Variants in SHISA9 observed in about 807,000 individuals in gnomAD.
SHISA9 encodes the protein protein shisa-9.
Under a neutral mutation model 38.0 loss-of-function variants are expected in SHISA9, and 13 were observed. The ratio of observed to expected loss-of-function variants is 0.34; its 90% CI spans 0.22 to 0.54. The LOEUF (loss-of-function observed/expected upper bound fraction) is 0.54, where lower values mean the gene tolerates loss of function less well. SHISA9 is among the 20% of genes least tolerant of loss of function. The pLI, the probability that SHISA9 is intolerant of heterozygous loss-of-function variation, is 0.91. For missense variants in SHISA9, 538 were observed against 575.8 expected, an observed-to-expected ratio of 0.93 and a Z score of 0.67; for synonymous variants, 275 against 242.0, an observed-to-expected ratio of 1.14 and a Z score of -1.27.
intron 2 of SHISA9, among the ~76,000 whole-genome samples, chr16:12,990,637 C>T (rs2072372382): frequency 6.6e-6 from 1 of 152,106 alleles, no homozygotes; most frequent in African/African-American, 2.4e-5. Flanking sequence ...TGTCTGAAGA[C>T]CATTTTGATT....
At chr16:13,136,262 A>T (rs930741151) in intron 2 of SHISA9, among the ~76,000 whole-genome samples, 2 of 152,104 alleles carry the variant, frequency 1.3e-5, no homozygotes, top group African/African-American at 2.4e-5. Flanking sequence ...CCTATAAGGT[A>T]GTCTGAGGAT....
At chr16:13,296,246 A>C in the SHISA9 span, among the ~76,000 whole-genome samples, 3 of 147,352 alleles carry the variant, frequency 2.0e-5, no homozygotes, top group African/African-American at 2.5e-5. Context: ...AACATTCCCC[A>C]CCCTCCATCT....
intron 2 of SHISA9, among the ~76,000 whole-genome samples, chr16:12,952,398 C>T (rs1474641748): frequency 2.0e-5 from 3 of 152,178 alleles, no homozygotes; most frequent in Non-Finnish European, 4.4e-5. Flanking sequence ...TTGAGTCTTC[C>T]CCAGTTTTTA....
chr16:13,480,714 G>A, the SHISA9 span, among the ~76,000 whole-genome samples: 1 of 152,044 alleles, frequency 6.6e-6, no homozygotes, highest in African/African-American at 2.4e-5. Flanking sequence ...TCTTTCATAG[G>A]CAGCCAGAGA....
intron 4 of SHISA9, among the ~76,000 whole-genome samples, chr16:13,218,404 C>G (rs768412569): frequency 2.0e-5 from 3 of 152,226 alleles, no homozygotes; most frequent in Non-Finnish European, 4.4e-5. Context: ...GTTTGCGACA[C>G]AGCATCCGTT....
At chr16:13,286,554 C>T in the SHISA9 span, among the ~76,000 whole-genome samples, 1 of 151,960 alleles carries the variant, frequency 6.6e-6, no homozygotes, top group African/African-American at 2.4e-5. Context: ...TTGTTTGTTC[C>T]ACAGTGATTA....
chr16:13,000,416 G>T (rs74012227), intron 2 of SHISA9, among the ~76,000 whole-genome samples: 1 of 152,162 alleles, frequency 6.6e-6, no homozygotes, highest in Non-Finnish European at 1.5e-5. Context: ...CTGATCCTGC[G>T]CACAGCTCTG....
chr16:13,010,699 T>TC (rs34082989), intron 2 of SHISA9, among the ~76,000 whole-genome samples: 14,359 of 152,154 alleles, frequency 0.094, 839 homozygotes, highest in East Asian at 0.29. Flanking sequence ...TTGCCTGTAA[T>TC]CCAGCACTTT....
At chr16:13,138,890 G>A (rs2141993965) in intron 2 of SHISA9, among the ~76,000 whole-genome samples, 1 of 152,086 alleles carries the variant, frequency 6.6e-6, no homozygotes, top group South Asian at 2.1e-4. Context: ...TTAATTCCAT[G>A]GTACCCACCT....
intron 2 of SHISA9, among the ~76,000 whole-genome samples, chr16:13,103,571 C>T (rs1172606030): frequency 1.3e-5 from 2 of 152,092 alleles, no homozygotes; most frequent in Non-Finnish European, 2.9e-5. Context: ...CTGCCTAGGC[C>T]TCTCAGTCTG....
At chr16:13,487,238 C>T in the SHISA9 span, among the ~76,000 whole-genome samples, 2 of 152,284 alleles carry the variant, frequency 1.3e-5, no homozygotes, top group African/African-American at 4.8e-5. Context: ...TGCATATAAC[C>T]TATACATATC....
the SHISA9 span, among the ~76,000 whole-genome samples, chr16:13,562,301 TAAATGA>T: frequency 6.6e-6 from 1 of 152,112 alleles, no homozygotes; most frequent in African/African-American, 2.4e-5. Context: ...CCTGATTTAG[TAAATGA>T]AAATGCAGTG....
rs1428979919 is a variant in SHISA9 at position 13,237,960 on chromosome 16, A to G, written c.*2551A>G. 6.6e-6 allele frequency: 1 copy of G among 152,194 alleles called. No individual in the cohort carries two copies. The highest frequency in any genetic ancestry group is 2.4e-5 in the African/African-American group (1 of 41,446). The allele number at this position is 152,194 out of a possible 1,614,324, so 9.4% of individuals were successfully genotyped here. ...AATGCATTTTGTTTTTAAAATGAAA[A>G]CTTCCTGTCTTCATCACAAATTTAA... On this transcript the variant is annotated 3_prime_UTR_variant, in exon 5 of 5. Coordinates refer to ENST00000558583, the MANE Select transcript of SHISA9 (RefSeq NM_001145204.3).
chr16:13,275,289 G>C, the SHISA9 span, among the ~76,000 whole-genome samples: 1 of 151,952 alleles, frequency 6.6e-6, no homozygotes, highest in African/African-American at 2.4e-5. Flanking sequence ...AGACAATTTT[G>C]CCTGGATATA....
Position 13,099,602 on chromosome 16 carries a change from G to T in SHISA9, c.692-103792G>T, listed in dbSNP as rs149774079. On this transcript the variant is annotated intron_variant, in intron 2 of 4. Transcript: ENST00000558583. The stretch of plus-strand genomic sequence containing the variant: ...AGCAGAGGGACCAGCAACTGCAAAG[G>T]CCCTGAGGCAGGAGTGTGCTCTGTG... Among the ~76,000 whole-genome samples, 33 of 152,206 alleles carry T rather than the reference G, an allele frequency of 2.2e-4. No individual in the cohort carries two copies. The East Asian group carries it at 3.5e-3, about 16-fold the overall frequency.
the SHISA9 span, among the ~76,000 whole-genome samples, chr16:13,514,196 T>A: frequency 6.6e-6 from 1 of 152,070 alleles, no homozygotes; most frequent in Admixed American, 6.6e-5. Context: ...GGTTTCATCA[T>A]GTTGGTCAGG....
At chr16:13,336,627 C>T in the SHISA9 span, among the ~76,000 whole-genome samples, 6 of 152,306 alleles carry the variant, frequency 3.9e-5, no homozygotes, top group East Asian at 9.6e-4. Flanking sequence ...GTTTCCTACA[C>T]CTGCCTTTGG....
At chr16:13,312,293 A>C in the SHISA9 span, among the ~76,000 whole-genome samples, 1 of 152,196 alleles carries the variant, frequency 6.6e-6, no homozygotes, top group Non-Finnish European at 1.5e-5. Flanking sequence ...AGTGGGCCAG[A>C]TGTGGCCCAT....
intron 4 of SHISA9, among the ~76,000 whole-genome samples, chr16:13,216,723 C>T (rs2051172853): frequency 6.6e-6 from 1 of 152,090 alleles, no homozygotes; most frequent in South Asian, 2.1e-4. Flanking sequence ...AGGTAGCTGT[C>T]AAGGGGAAAG....
Sources: allele counts gnomAD v4.1 joint callset (sites outside exome capture counted in the v4.1 genomes callset), GRCh38; gene constraint gnomAD v4.1.1; transcripts MANE v1.5; gene names NCBI Gene and HGNC (gene_info 2026-07-23, HGNC 2026-07-21).